The following RAVER2 variants were observed in gnomAD, a reference collection of about 807,000 sequenced individuals.
RAVER2 encodes ribonucleoprotein PTB-binding 2.
Under a neutral mutation model 78.1 loss-of-function variants are expected in RAVER2, and 46 were observed. The observed-to-expected ratio is 0.59, with a 90% confidence interval of 0.46 to 0.75. The LOEUF (loss-of-function observed/expected upper bound fraction) is 0.75. RAVER2 is among the 30% of genes least tolerant of loss of function. The pLI, the probability that RAVER2 is intolerant of heterozygous loss-of-function variation, is 0.00. For missense variants in RAVER2, 793 were observed against 837.5 expected (o/e 0.95, Z 0.66); for synonymous variants, 311 against 313.3 (o/e 0.99, Z 0.08).
At chr1:64,766,780 A>G (rs1434995414) in intron 1 of RAVER2, among the ~76,000 whole-genome samples, 1 of 152,140 alleles carries the variant, frequency 6.6e-6, no homozygotes, top group African/African-American at 2.4e-5. Flanking sequence ...CACACACTGG[A>G]TCCCTTCAAA....
intron 9 of RAVER2, among the ~76,000 whole-genome samples, chr1:64,808,821 T>C (rs1160577132): frequency 1.3e-5 from 2 of 152,180 alleles, no homozygotes; most frequent in Non-Finnish European, 2.9e-5. Flanking sequence ...GCTTGGGTTA[T>C]TGAGGGAAAT....
intron 3 of RAVER2, among the ~76,000 whole-genome samples, chr1:64,779,042 A>G (rs1570547954): frequency 6.7e-6 from 1 of 150,152 alleles, no homozygotes; most frequent in Non-Finnish European, 1.5e-5. Context: ...TTTATCATGT[A>G]TAACATGTTT....
intron 1 of RAVER2, among the ~76,000 whole-genome samples, chr1:64,755,418 T>C (rs1651824574): frequency 6.6e-6 from 1 of 152,198 alleles, no homozygotes; most frequent in Non-Finnish European, 1.5e-5. Context: ...TGTTTAACTT[T>C]TATTTCCATA....
At chr1:64,801,520 CT>C (rs201988176) in intron 5 of RAVER2, among the ~76,000 whole-genome samples, 10,995 of 144,622 alleles carry the variant, frequency 0.076, 482 homozygotes, top group Non-Finnish European at 0.1. Context: ...AACATCCTCC[CT>C]TTTTTTTTTT....
intron 10 of RAVER2, among the ~76,000 whole-genome samples, chr1:64,814,348 C>A (rs892549018): frequency 2.0e-5 from 3 of 152,092 alleles, no homozygotes; most frequent in Non-Finnish European, 4.4e-5. Context: ...AGTGATCCTC[C>A]CACCTTGGCC....
intron 2 of RAVER2, among the ~76,000 whole-genome samples, chr1:64,770,244 A>C (rs1652279333): frequency 6.6e-6 from 1 of 152,030 alleles, no homozygotes; most frequent in African/African-American, 2.4e-5. Flanking sequence ...ACGGGATTAG[A>C]GGTAACAGCC....
At chr1:64,818,469 G>C (rs959134968) in intron 11 of RAVER2, among the ~76,000 whole-genome samples, 2 of 152,032 alleles carry the variant, frequency 1.3e-5, no homozygotes, top group Non-Finnish European at 2.9e-5. Flanking sequence ...CCAGGAGGCG[G>C]AGGTTGCAGT....
chr1:64,755,743 T>TG (rs763523872), intron 1 of RAVER2, among the ~76,000 whole-genome samples: 1 of 145,104 alleles, frequency 6.9e-6, no homozygotes, highest in African/African-American at 2.5e-5. Context: ...TTTTTTTTTT[T>TG]TTTTTTTTTT....
In RAVER2 at chr1:64,745,551, C is replaced by T; in HGVS notation, c.249+130C>T. ...TCGGCGCCGAGTGGTGAGAGCGGCC[C>T]CTCGGTTTGACTGAGTTCTTGGGGT... On this transcript the variant is annotated intron_variant, in intron 1 of 11. Transcript: ENST00000294428. This position sits in a 1 kb window ranked among gnomAD's most constrained non-coding sequence, Gnocchi z 4.3. 1 of 1,210,454 alleles carries T rather than the reference C, an allele frequency of 8.3e-7. No individual in the cohort carries two copies. Among genetic ancestry groups the T allele is most frequent in the Admixed American group, 4.1e-5 (1 of 24,654 alleles). The allele number at this position is 1,210,454 out of a possible 1,614,324, so 75.0% of individuals were successfully genotyped here.
intron 2 of RAVER2, among the ~76,000 whole-genome samples, chr1:64,774,868 G>C (rs1347462650): frequency 6.6e-6 from 1 of 152,152 alleles, no homozygotes; most frequent in African/African-American, 2.4e-5. Context: ...GTGGTTTGTA[G>C]TTTTCCTTGA....
At chr1:64,814,765 C>A in exon 11 of RAVER2, 2 of 1,587,862 alleles carry the variant, frequency 1.3e-6, no homozygotes, top group Non-Finnish European at 8.6e-7. Flanking sequence ...TGGATGCAAT[C>A]TCTCAGGGAA....
At chr1:64,802,548 GT>G (rs984913414) in intron 5 of RAVER2, among the ~76,000 whole-genome samples, 39 of 151,962 alleles carry the variant, frequency 2.6e-4, no homozygotes, top group Admixed American at 9.8e-4. Flanking sequence ...TACATATATT[GT>G]CTTCTCAATT....
chr1:64,831,906 T>A (rs1164960453), exon 12 of RAVER2: 1 of 152,222 alleles, frequency 6.6e-6, no homozygotes, highest in Admixed American at 6.5e-5. Flanking sequence ...CAGAACTGAT[T>A]AGCTTCAACA....
chr1:64,804,333 C>T (rs2100873463), intron 6 of RAVER2, among the ~76,000 whole-genome samples: 1 of 152,208 alleles, frequency 6.6e-6, no homozygotes, highest in South Asian at 2.1e-4. Context: ...TAATGGCTCC[C>T]TTCCTTAGGG....
At chr1:64,808,519 C>T (rs187361050) in intron 9 of RAVER2, among the ~76,000 whole-genome samples, 398 of 136,810 alleles carry the variant, frequency 2.9e-3, no homozygotes, top group Non-Finnish European at 4.8e-3. Context: ...TGGAATGCAG[C>T]GACACAACCT....
At chr1:64,759,167 T>G (rs1482606004) in intron 1 of RAVER2, among the ~76,000 whole-genome samples, 1 of 151,616 alleles carries the variant, frequency 6.6e-6, no homozygotes, top group Non-Finnish European at 1.5e-5. Context: ...TATTTTCAGG[T>G]GTAAGTATAT....
intron 11 of RAVER2, among the ~76,000 whole-genome samples, chr1:64,824,775 C>CA (rs200811426): frequency 0.05 from 7,597 of 151,442 alleles, 302 homozygotes; most frequent in Admixed American, 0.14. Flanking sequence ...ACAGAAAATA[C>CA]AAAAAATTAG....
At chr1:64,804,933 GCTTTTTTTAGGTTATAT>G (rs887700742) in intron 7 of RAVER2, 41 bp from the exon 8 acceptor site, 3 of 1,556,260 alleles carry the variant, frequency 1.9e-6, no homozygotes, top group Non-Finnish European at 2.6e-6. Flanking sequence ...CACGTGTGTA[GCTTTTTTTAGGTTATAT>G]CTTATGGCCA....
chr1:64,783,711 A>C (rs1286068937), intron 4 of RAVER2, among the ~76,000 whole-genome samples: 1 of 152,146 alleles, frequency 6.6e-6, no homozygotes, highest in Non-Finnish European at 1.5e-5. Context: ...CTCTGATGGT[A>C]GTTTCTTTTA....
Sources: allele counts gnomAD v4.1 joint callset (sites outside exome capture counted in the v4.1 genomes callset), GRCh38; gene constraint gnomAD v4.1.1; non-coding constraint Gnocchi (gnomAD v3.1); transcripts MANE v1.5; gene names NCBI Gene and HGNC (gene_info 2026-07-23, HGNC 2026-07-21).